Variants in SUPT3H observed in about 807,000 individuals in gnomAD.
SUPT3H encodes the protein SPT3 homolog, SAGA and STAGA complex component.
SUPT3H carries 44 observed loss-of-function variants against 44.3 expected under a neutral mutation model. The observed-to-expected ratio is 0.99, with a 90% CI of 0.78 to 1.28. The LOEUF is 1.28. Ranked by LOEUF, SUPT3H falls within the 50% of genes most tolerant of loss-of-function variation. SUPT3H has a pLI of 0.00. For synonymous variants in SUPT3H, 124 were observed against 125.6 expected, an observed-to-expected ratio of 0.99 and a Z score of 0.09; for missense variants, 380 against 387.1, an observed-to-expected ratio of 0.98 and a Z score of 0.15.
At chr6:44,885,376 A>G (rs1214586155) in intron 10 of SUPT3H, among the ~76,000 whole-genome samples, 2 of 152,060 alleles carry the variant, frequency 1.3e-5, no homozygotes, top group African/African-American at 4.8e-5. Flanking sequence ...CAGTAGGGGC[A>G]GACTGACACC....
chr6:45,014,019 C>A (rs1039698897), intron 5 of SUPT3H, among the ~76,000 whole-genome samples: 1 of 151,760 alleles, frequency 6.6e-6, no homozygotes, highest in African/African-American at 2.4e-5. Flanking sequence ...ATGATTATTT[C>A]AAAAAAAATT....
chr6:45,180,648 G>A (rs1012918243), intron 2 of SUPT3H, among the ~76,000 whole-genome samples: 3 of 152,124 alleles, frequency 2.0e-5, no homozygotes, highest in Non-Finnish European at 4.4e-5. Context: ...ACGGTGCTGG[G>A]AAAATTGGCT....
chr6:44,870,707 G>T (rs999688493), intron 10 of SUPT3H, among the ~76,000 whole-genome samples: 10 of 151,604 alleles, frequency 6.6e-5, no homozygotes, highest in Admixed American at 2.0e-4. Flanking sequence ...CGCAGAAGAC[G>T]GGTGATTTCT....
intron 10 of SUPT3H, among the ~76,000 whole-genome samples, chr6:44,894,542 T>A (rs1044373202): frequency 6.6e-5 from 10 of 152,070 alleles, no homozygotes; most frequent in Non-Finnish European, 1.2e-4. Flanking sequence ...AGATATGCGG[T>A]GTTATTTCTG....
At chr6:44,903,435 A>T (rs1765443818) in intron 10 of SUPT3H, among the ~76,000 whole-genome samples, 1 of 152,206 alleles carries the variant, frequency 6.6e-6, no homozygotes, top group Non-Finnish European at 1.5e-5. Context: ...ATCTAGAAGA[A>T]ATGGATAAAT....
chr6:45,175,728 T>C (rs755339605), intron 2 of SUPT3H, among the ~76,000 whole-genome samples: 11 of 152,008 alleles, frequency 7.2e-5, no homozygotes, highest in Non-Finnish European at 1.3e-4. Context: ...AAAATGGTAA[T>C]TTTTAGGCTA....
At chr6:45,241,665 T>C (rs921757374) in intron 2 of SUPT3H, among the ~76,000 whole-genome samples, 10 of 152,088 alleles carry the variant, frequency 6.6e-5, no homozygotes, top group African/African-American at 2.4e-4. Flanking sequence ...CTAGAGCTGC[T>C]GGGTTAGGGT....
At chr6:44,978,707 A>G (rs1429450434) in intron 6 of SUPT3H, among the ~76,000 whole-genome samples, 1 of 152,176 alleles carries the variant, frequency 6.6e-6, no homozygotes, top group Non-Finnish European at 1.5e-5. Flanking sequence ...TAATAGAATA[A>G]TAGTTATTCT....
chr6:45,299,608 C>T (rs1359778905), intron 2 of SUPT3H, among the ~76,000 whole-genome samples: 1 of 151,600 alleles, frequency 6.6e-6, no homozygotes, highest in Non-Finnish European at 1.5e-5. Flanking sequence ...ATTTTTTAGT[C>T]AATTCAGAAA....
chr6:45,039,283 G>C (rs1014303796), intron 3 of SUPT3H, among the ~76,000 whole-genome samples: 1 of 152,136 alleles, frequency 6.6e-6, no homozygotes, highest in Non-Finnish European at 1.5e-5. Context: ...GGGAAGAAAA[G>C]TGTTTTAATA....
chr6:45,100,657 C>G (rs1798445971), intron 3 of SUPT3H, among the ~76,000 whole-genome samples: 1 of 149,730 alleles, frequency 6.7e-6, no homozygotes, highest in East Asian at 2.0e-4. Flanking sequence ...ATAATCACCT[C>G]ACCCTAATTA....
At chr6:44,977,794 C>T (rs1778543172) in intron 6 of SUPT3H, among the ~76,000 whole-genome samples, 1 of 152,156 alleles carries the variant, frequency 6.6e-6, no homozygotes, top group African/African-American at 2.4e-5. Flanking sequence ...ATTACTACTA[C>T]ATGTTACAAC....
intron 3 of SUPT3H, among the ~76,000 whole-genome samples, chr6:45,055,713 A>G (rs888706274): frequency 6.6e-6 from 1 of 152,198 alleles, no homozygotes; most frequent in Non-Finnish European, 1.5e-5. Flanking sequence ...TGAAACCATA[A>G]AGATTCTAGA....
intron 2 of SUPT3H, among the ~76,000 whole-genome samples, chr6:45,230,828 A>T (rs2153639977): frequency 6.6e-6 from 1 of 151,426 alleles, no homozygotes; most frequent in East Asian, 1.9e-4. Flanking sequence ...ATGTGCCACC[A>T]TGCCTGGCTA....
downstream of SUPT3H, among the ~76,000 whole-genome samples, chr6:44,823,386 C>T (rs1005871484): frequency 6.6e-6 from 1 of 152,082 alleles, no homozygotes; most frequent in African/African-American, 2.4e-5. Flanking sequence ...ACCATGAAAA[C>T]CTAGGAAAGA....
rs538057597 is a variant in SUPT3H at position 45,284,942 on chromosome 6, A to T, written c.101+80259T>A. Among the ~76,000 whole-genome samples, 6 of 152,334 alleles carry T rather than the reference A, an allele frequency of 3.9e-5. No homozygotes were observed. The South Asian group carries it at 8.3e-4, about 21-fold the overall frequency. On this transcript the variant is annotated intron_variant, in intron 2 of 10. Transcript: ENST00000371459. ...GGGATGGAAGGCTGGTTCAACATAC[A>T]CAAATCAATAAATGTAATCCAGCAT... is the stretch of plus-strand genomic sequence containing the variant.
intron 2 of SUPT3H, among the ~76,000 whole-genome samples, chr6:45,189,859 A>C (rs1388977132): frequency 2.6e-5 from 4 of 152,342 alleles, no homozygotes; most frequent in African/African-American, 9.6e-5. Flanking sequence ...ACAATTGGCC[A>C]CTTTTAATAA....
intron 10 of SUPT3H, among the ~76,000 whole-genome samples, chr6:44,850,778 A>G (rs553879933): frequency 6.6e-6 from 1 of 152,072 alleles, no homozygotes; most frequent in African/African-American, 2.4e-5. Flanking sequence ...CTATCTATCT[A>G]TCTATCTATC....
chr6:44,862,379 T>C (rs748052182), intron 10 of SUPT3H, among the ~76,000 whole-genome samples: 38 of 151,786 alleles, frequency 2.5e-4, no homozygotes, highest in Non-Finnish European at 5.0e-4. Flanking sequence ...TTACACCTTA[T>C]AAAGAAATGA....
Sources: allele counts gnomAD v4.1 joint callset (sites outside exome capture counted in the v4.1 genomes callset), GRCh38; gene constraint gnomAD v4.1.1; transcripts MANE v1.5; gene names NCBI Gene and HGNC (gene_info 2026-07-23, HGNC 2026-07-21).